CCDC141: variants seen among roughly 807,000 people sequenced by gnomAD.
CCDC141 encodes coiled-coil domain containing 141.
A neutral mutation model predicts 181.0 loss-of-function variants in CCDC141; 168 were observed. The observed-to-expected ratio is 0.93, with a 90% confidence interval of 0.82 to 1.05. The LOEUF (loss-of-function observed/expected upper bound fraction) is 1.05. Ranked by LOEUF, CCDC141 falls within the 50% of genes least tolerant of loss-of-function variation. The probability of loss-of-function intolerance (pLI) is 0.00; values close to 1 mark genes in which losing one functional copy is unlikely to be tolerated. For missense variants in CCDC141, 1,902 were observed against 1,788.5 expected (o/e 1.06, Z -1.14); for synonymous variants, 666 against 642.3 (o/e 1.04, Z -0.56).
At chr2:179,040,336 A>G (rs2043261593) in intron 2 of CCDC141, among the ~76,000 whole-genome samples, 1 of 152,228 alleles carries the variant, frequency 6.6e-6, no homozygotes, top group African/African-American at 2.4e-5. Context: ...GTGTCTTCTA[A>G]AGAGCATAGA....
intron 21 of CCDC141, among the ~76,000 whole-genome samples, chr2:178,849,685 A>G (rs1172766846): frequency 6.6e-6 from 1 of 152,166 alleles, no homozygotes; most frequent in Non-Finnish European, 1.5e-5. Context: ...CACAATTTGG[A>G]GAGGAAAAAA....
At chr2:178,963,666 T>C (rs1386937961) in intron 4 of CCDC141, among the ~76,000 whole-genome samples, 5 of 152,136 alleles carry the variant, frequency 3.3e-5, no homozygotes, top group Non-Finnish European at 7.4e-5. Context: ...TGACACTTTT[T>C]TTTTTTTTGG....
chr2:179,008,903 T>C (rs2042185676), intron 2 of CCDC141, among the ~76,000 whole-genome samples: 1 of 152,202 alleles, frequency 6.6e-6, no homozygotes, highest in Non-Finnish European at 1.5e-5. Context: ...CAATGATTAT[T>C]CATCAGCCAT....
intron 2 of CCDC141, among the ~76,000 whole-genome samples, chr2:178,979,366 T>G (rs551611817): frequency 2.0e-5 from 3 of 152,048 alleles, no homozygotes; most frequent in Non-Finnish European, 4.4e-5. Flanking sequence ...AATTCTAAAA[T>G]ATCAACATAA....
At chr2:178,848,874 C>A (rs4894054) in intron 21 of CCDC141, among the ~76,000 whole-genome samples, 119,877 of 152,124 alleles carry the variant, frequency 0.79, 47,383 homozygotes, top group East Asian at 0.93. Flanking sequence ...AAATAACATA[C>A]ATATTAGAAA....
rs558436718 is a variant in CCDC141, at chr2:178,871,628, G to A, written c.2080-76C>T. The stretch of plus-strand genomic sequence containing the variant: ...CAAATTTGATCATTCTAGGTATGAC[G>A]CAGAGTGTGATCAAATTTTTCAAAC... On this transcript the variant is annotated intron_variant, in intron 13 of 23. Coordinates refer to ENST00000443758, the MANE Select transcript of CCDC141 (RefSeq NM_173648.4). 86 of 1,498,098 alleles carry A rather than the reference G, an allele frequency of 5.7e-5. 2 individuals are homozygous for A. In the South Asian group the frequency reaches 1.0e-3, roughly 18 times the overall value. 92.8% of individuals were successfully genotyped at this position (1,498,098 alleles called of 1,614,324 possible).
chr2:178,924,344 T>C (rs1688832431), intron 6 of CCDC141, among the ~76,000 whole-genome samples: 1 of 152,202 alleles, frequency 6.6e-6, no homozygotes. Context: ...ATTTCTTGTT[T>C]AACCCTCAAG....
At chr2:178,864,952 G>C (rs1453897430) in intron 17 of CCDC141, among the ~76,000 whole-genome samples, 1 of 152,160 alleles carries the variant, frequency 6.6e-6, no homozygotes, top group African/African-American at 2.4e-5. Flanking sequence ...GTACCCTTGT[G>C]TTCTGCTATC....
intron 12 of CCDC141, chr2:178,873,071 A>T (rs1037426189): frequency 2.0e-5 from 3 of 152,204 alleles, no homozygotes; most frequent in African/African-American, 7.2e-5. Flanking sequence ...AATGCACAGG[A>T]ACATTCATTT....
chr2:179,041,278 G>A (rs1181705477), intron 2 of CCDC141, among the ~76,000 whole-genome samples: 1 of 152,024 alleles, frequency 6.6e-6, no homozygotes, highest in Non-Finnish European at 1.5e-5. Flanking sequence ...TTTTAATAGA[G>A]ACGGGGTTTC....
intron 6 of CCDC141, among the ~76,000 whole-genome samples, chr2:178,943,882 T>C (rs1167185841): frequency 1.3e-5 from 2 of 152,190 alleles, no homozygotes; most frequent in African/African-American, 4.8e-5. Flanking sequence ...TAATGCATTC[T>C]ATATACCTAT....
At position 178,933,481 on chromosome 2, in the gene CCDC141, G is replaced by A. The variant is rs544565524; in HGVS notation, c.897+11054C>T. On this transcript the variant is annotated intron_variant, in intron 6 of 23. Coordinates refer to ENST00000443758, the MANE Select transcript of CCDC141 (RefSeq NM_173648.4). The stretch of plus-strand genomic sequence containing the variant: ...TAATCTCTAACAACTCTCTGATGTT[G>A]CTGTTGTTCTATGGGAGTCACACCT... 5.3e-5 allele frequency among the ~76,000 whole-genome samples: 8 copies of A among 152,250 alleles called. 1 individual carries two copies. Among genetic ancestry groups the A allele is most frequent in the African/African-American group, 1.9e-4 (8 of 41,550 alleles).
At position 178,833,459 on chromosome 2, in the gene CCDC141, T is replaced by A. The variant is rs1365760539; in HGVS notation, c.*714A>T. On this transcript the variant is annotated 3_prime_UTR_variant, in exon 24 of 24. Transcript: ENST00000443758. ...GTTACACATTGCTGCTCAAAACACA[T>A]CAATAGAATGTCAGGAATAACGTTG... 6.6e-6 allele frequency: 1 copy of A among 152,234 alleles called. No individual in the cohort carries two copies. Among genetic ancestry groups the A allele is most frequent in the Non-Finnish European group, 1.5e-5 (1 of 68,058 alleles). 9.4% of individuals were successfully genotyped at this position (152,234 alleles called of 1,614,324 possible).
At chr2:178,995,149 A>C (rs1462578880) in intron 2 of CCDC141, among the ~76,000 whole-genome samples, 1 of 152,132 alleles carries the variant, frequency 6.6e-6, no homozygotes, top group Non-Finnish European at 1.5e-5. Flanking sequence ...GTACCAATTT[A>C]CTGTATTAGT....
chr2:178,971,468 T>C (rs377110936), intron 4 of CCDC141, among the ~76,000 whole-genome samples: 2 of 152,326 alleles, frequency 1.3e-5, no homozygotes, highest in Middle Eastern at 6.8e-3. Context: ...TTTACACTGT[T>C]GGTGGGAGTG....
At chr2:178,942,081 C>T (rs1483792569) in intron 6 of CCDC141, among the ~76,000 whole-genome samples, 2 of 147,732 alleles carry the variant, frequency 1.4e-5, no homozygotes, top group Non-Finnish European at 3.0e-5. Context: ...AACAGTTTGG[C>T]TTGAAAACTA....
intron 6 of CCDC141, among the ~76,000 whole-genome samples, chr2:178,920,910 T>C (rs1292041448): frequency 2.0e-5 from 3 of 152,226 alleles, no homozygotes; most frequent in Non-Finnish European, 4.4e-5. Flanking sequence ...GTATCAGTTA[T>C]ATAAAATTGT....
intron 6 of CCDC141, among the ~76,000 whole-genome samples, chr2:178,939,092 T>G (rs1255167718): frequency 6.6e-6 from 1 of 152,056 alleles, no homozygotes; most frequent in Non-Finnish European, 1.5e-5. Context: ...CTAAGGAAAA[T>G]GTGTATCCAG....
At chr2:178,826,045 A>T (rs2154364811), downstream of CCDC141, among the ~76,000 whole-genome samples, 1 of 152,290 alleles carries the variant, frequency 6.6e-6, no homozygotes, top group East Asian at 1.9e-4. Context: ...CTTAAGTATG[A>T]TGTTAGTTAC....
Sources: allele counts gnomAD v4.1 joint callset (sites outside exome capture counted in the v4.1 genomes callset), GRCh38; gene constraint gnomAD v4.1.1; transcripts MANE v1.5; gene names NCBI Gene and HGNC (gene_info 2026-07-23, HGNC 2026-07-21).